MDGA2: variants seen among roughly 807,000 people sequenced by gnomAD.
MDGA2 encodes MAM domain-containing glycosylphosphatidylinositol anchor protein 2.
A neutral mutation model predicts 117.8 loss-of-function variants in MDGA2; 40 were observed. That is an observed-to-expected ratio of 0.34 (90% CI 0.26 to 0.44). The LOEUF is 0.44. Ranked by LOEUF, MDGA2 falls within the 20% of genes least tolerant of loss-of-function variation. The pLI is 1.00. For synonymous variants in MDGA2, 452 were observed against 439.0 expected, an observed-to-expected ratio of 1.03 and a Z score of -0.37; for missense variants, 1,123 against 1,250.6, an observed-to-expected ratio of 0.90 and a Z score of 1.54.
intron 16 of MDGA2, 77 bp downstream of exon 16, chr14:46,845,685 AAATT>A: frequency 1.2e-6 from 1 of 850,756 alleles, no homozygotes; most frequent in Non-Finnish European, 1.8e-6. Context: ...TCCGTTTTTA[AAATT>A]AATTAAATTA....
At chr14:47,129,317 C>T (rs1255750971) in intron 5 of MDGA2, among the ~76,000 whole-genome samples, 1 of 151,248 alleles carries the variant, frequency 6.6e-6, no homozygotes, top group African/African-American at 2.4e-5. Flanking sequence ...GTTCAATTCC[C>T]ACCTATGAGT....
intron 3 of MDGA2, among the ~76,000 whole-genome samples, chr14:47,147,318 G>A (rs898520616): frequency 1.3e-5 from 2 of 152,196 alleles, no homozygotes; most frequent in African/African-American, 2.4e-5. Flanking sequence ...TCAGAGATGT[G>A]TGCGCAGAAA....
At chr14:47,261,341 C>A (rs1345154269) in intron 2 of MDGA2, among the ~76,000 whole-genome samples, 1 of 152,108 alleles carries the variant, frequency 6.6e-6, no homozygotes, top group Non-Finnish European at 1.5e-5. Flanking sequence ...TATCCCCTTT[C>A]CATCTCAAGC....
intron 9 of MDGA2, among the ~76,000 whole-genome samples, chr14:46,934,090 G>A (rs938362238): frequency 1.3e-5 from 2 of 151,636 alleles, no homozygotes; most frequent in African/African-American, 4.8e-5. Flanking sequence ...TGGCATGCAA[G>A]TAGGAAATTG....
At chr14:47,448,354 G>T (rs1277909048) in intron 1 of MDGA2, among the ~76,000 whole-genome samples, 2 of 151,906 alleles carry the variant, frequency 1.3e-5, no homozygotes, top group East Asian at 1.9e-4. Flanking sequence ...TGGCCAGGCT[G>T]GTCTCGAACT....
intron 1 of MDGA2, among the ~76,000 whole-genome samples, chr14:47,458,937 AGTATG>A (rs1481649578): frequency 6.7e-6 from 1 of 150,142 alleles, no homozygotes; most frequent in Non-Finnish European, 1.5e-5. Context: ...AAATTTATCT[AGTATG>A]GTTCTGTGGG....
chr14:47,343,035 C>T (rs1233804551), intron 1 of MDGA2: 1 of 1,276,044 alleles, frequency 7.8e-7, no homozygotes, highest in Admixed American at 2.3e-5. Context: ...GAGAAGCAGG[C>T]AGCACTACCG....
intron 1 of MDGA2, among the ~76,000 whole-genome samples, chr14:47,488,555 A>AT (rs1274729313): frequency 6.6e-6 from 1 of 152,162 alleles, no homozygotes; most frequent in Non-Finnish European, 1.5e-5. Flanking sequence ...TTAAAACTGT[A>AT]TAAAAAAGAG....
intron 2 of MDGA2, among the ~76,000 whole-genome samples, chr14:47,266,021 T>C (rs1021493410): frequency 3.3e-5 from 5 of 152,122 alleles, no homozygotes; most frequent in African/African-American, 1.2e-4. Flanking sequence ...TAGGATTAAA[T>C]GAGGTCACAT....
intron 2 of MDGA2, among the ~76,000 whole-genome samples, chr14:47,278,032 G>A (rs552436792): frequency 2.6e-5 from 4 of 152,256 alleles, no homozygotes; most frequent in African/African-American, 7.2e-5. Flanking sequence ...AGTAGCTATA[G>A]AGGGGAGTAA....
At chr14:47,483,645 T>G (rs1260840713) in intron 1 of MDGA2, among the ~76,000 whole-genome samples, 1 of 152,194 alleles carries the variant, frequency 6.6e-6, no homozygotes, top group African/African-American at 2.4e-5. Flanking sequence ...TGAAAGCTCA[T>G]GAGTACATCA....
At chr14:47,197,672 A>G (rs987987443) in intron 3 of MDGA2, among the ~76,000 whole-genome samples, 18 of 152,272 alleles carry the variant, frequency 1.2e-4, no homozygotes, top group Admixed American at 9.2e-4. Context: ...GCACTTTGAG[A>G]GGCCAAGGAG....
intron 5 of MDGA2, among the ~76,000 whole-genome samples, chr14:47,105,178 C>T (rs1880579886): frequency 6.6e-6 from 1 of 152,094 alleles, no homozygotes; most frequent in South Asian, 2.1e-4. Flanking sequence ...CCCCTCAGCC[C>T]CTTCTCCTTC....
At chr14:47,232,537 C>A in intron 2 of MDGA2, among the ~76,000 whole-genome samples, 1 of 152,016 alleles carries the variant, frequency 6.6e-6, no homozygotes, top group East Asian at 1.9e-4. Context: ...ACTGATAAAC[C>A]TTTTCTCCCT....
At chr14:46,935,919 C>G (rs1377147919) in intron 9 of MDGA2, among the ~76,000 whole-genome samples, 1 of 151,846 alleles carries the variant, frequency 6.6e-6, no homozygotes, top group Non-Finnish European at 1.5e-5. Context: ...AGTCACAGCA[C>G]CTAGGACCTA....
intron 1 of MDGA2, among the ~76,000 whole-genome samples, chr14:47,602,735 C>T (rs1017045137): frequency 6.6e-6 from 1 of 152,126 alleles, no homozygotes; most frequent in Non-Finnish European, 1.5e-5. Flanking sequence ...GCAAACCAGA[C>T]AAAAGAGAGA....
chr14:47,129,159 T>A (rs1882061750), intron 5 of MDGA2, among the ~76,000 whole-genome samples: 1 of 152,178 alleles, frequency 6.6e-6, no homozygotes, highest in South Asian at 2.1e-4. Context: ...GTTAGTTACA[T>A]ATGTATACAT....
At chr14:47,049,283 A>T (rs1889370878) in intron 7 of MDGA2, among the ~76,000 whole-genome samples, 1 of 152,020 alleles carries the variant, frequency 6.6e-6, no homozygotes, top group Admixed American at 6.6e-5. Context: ...TTCACAGGAC[A>T]TGGAGATGGA....
At chr14:47,504,263 C>T (rs185346628) in intron 1 of MDGA2, among the ~76,000 whole-genome samples, 96 of 152,114 alleles carry the variant, frequency 6.3e-4, no homozygotes, top group African/African-American at 2.1e-3. Context: ...CTTTGTATGC[C>T]GTTGTTAATT....
Sources: allele counts gnomAD v4.1 joint callset (sites outside exome capture counted in the v4.1 genomes callset), GRCh38; gene constraint gnomAD v4.1.1; transcripts MANE v1.5; gene names NCBI Gene and HGNC (gene_info 2026-07-23, HGNC 2026-07-21).